The following ZEB1 variants were observed in gnomAD, a reference collection of about 807,000 sequenced individuals.
ZEB1 encodes zinc finger E-box-binding homeobox 1.
In ZEB1, 21 loss-of-function variants were observed where a neutral mutation model predicts 84.9. The observed-to-expected ratio is 0.25, with a 90% CI of 0.18 to 0.36. The LOEUF is 0.36. Among genes scored for constraint, ZEB1 ranks in the 10% least tolerant of loss-of-function variants. ZEB1 has a pLI of 1.00. For synonymous variants in ZEB1, 420 were observed against 471.1 expected (o/e 0.89, Z 1.41); for missense variants, 1,104 against 1,330.2 (o/e 0.83, Z 2.65).
chr10:31,362,559 A>T (rs1208204573), intron 1 of ZEB1, among the ~76,000 whole-genome samples: 1 of 149,952 alleles, frequency 6.7e-6, no homozygotes, highest in Non-Finnish European at 1.5e-5. Context: ...CACTTCCCAG[A>T]CTGTGAGGCT....
At chr10:31,453,983 T>C (rs2060898537) in intron 1 of ZEB1, among the ~76,000 whole-genome samples, 1 of 152,188 alleles carries the variant, frequency 6.6e-6, no homozygotes, top group Non-Finnish European at 1.5e-5. Context: ...CCAGTATCCC[T>C]GATGAACATC....
chr10:31,327,360 C>G (rs1026237346), intron 1 of ZEB1, among the ~76,000 whole-genome samples: 1 of 152,150 alleles, frequency 6.6e-6, no homozygotes, highest in Admixed American at 6.5e-5. Context: ...ATCCACCTGC[C>G]TCAGCCTCCC....
intron 1 of ZEB1, among the ~76,000 whole-genome samples, chr10:31,447,633 T>G (rs909081979): frequency 3.9e-4 from 57 of 144,518 alleles, no homozygotes; most frequent in Non-Finnish European, 6.6e-4. Context: ...CTCTCAGCAT[T>G]TGCTTGTGTG....
At chr10:31,384,130 C>T (rs1380325984) in intron 1 of ZEB1, among the ~76,000 whole-genome samples, 5 of 151,906 alleles carry the variant, frequency 3.3e-5, no homozygotes, top group African/African-American at 1.2e-4. Context: ...CATGTTCCAC[C>T]ACTCCTGACT....
At chr10:31,445,685 T>G (rs2059669698) in intron 1 of ZEB1, among the ~76,000 whole-genome samples, 1 of 145,902 alleles carries the variant, frequency 6.9e-6, no homozygotes, top group Non-Finnish European at 1.5e-5. Flanking sequence ...ATGTGGTTTT[T>G]GTCTTTGGCT....
At chr10:31,372,449 G>C (rs2045894605) in intron 1 of ZEB1, among the ~76,000 whole-genome samples, 1 of 151,958 alleles carries the variant, frequency 6.6e-6, no homozygotes, top group Non-Finnish European at 1.5e-5. Flanking sequence ...GTAGCCGTAA[G>C]AATCAAGAGA....
chr10:31,454,687 A>G (rs2060989697), intron 1 of ZEB1, among the ~76,000 whole-genome samples: 1 of 152,224 alleles, frequency 6.6e-6, no homozygotes, highest in Admixed American at 6.5e-5. Flanking sequence ...TAAAGTACCT[A>G]GGAATACAGC....
chr10:31,488,418 C>T (rs1300179179), intron 2 of ZEB1, among the ~76,000 whole-genome samples: 1 of 151,086 alleles, frequency 6.6e-6, no homozygotes, highest in Non-Finnish European at 1.5e-5. Context: ...TCTTTTCATT[C>T]CTGATAGTAG....
At chr10:31,485,932 A>G (rs2065696812) in intron 2 of ZEB1, among the ~76,000 whole-genome samples, 1 of 151,854 alleles carries the variant, frequency 6.6e-6, no homozygotes, top group African/African-American at 2.4e-5. Flanking sequence ...ATCTTTTGCT[A>G]TCATTTTCTC....
intron 6 of ZEB1, among the ~76,000 whole-genome samples, chr10:31,515,119 C>T (rs1592037058): frequency 6.6e-6 from 1 of 151,790 alleles, no homozygotes; most frequent in East Asian, 1.9e-4. Context: ...AAATGGAACT[C>T]AAGATTAGAA....
chr10:31,414,003 C>T (rs1294992657), intron 1 of ZEB1, among the ~76,000 whole-genome samples: 1 of 152,198 alleles, frequency 6.6e-6, no homozygotes, highest in Non-Finnish European at 1.5e-5. Flanking sequence ...AAATTGCCTT[C>T]TCCTCTTGAT....
chr10:31,400,378 A>G (rs1290236579), intron 1 of ZEB1, among the ~76,000 whole-genome samples: 2 of 152,338 alleles, frequency 1.3e-5, no homozygotes, highest in East Asian at 1.9e-4. Context: ...CAAATATTCC[A>G]GTAAATGACA....
chr10:31,354,313 A>C, intron 1 of ZEB1, among the ~76,000 whole-genome samples: 1 of 152,172 alleles, frequency 6.6e-6, no homozygotes, highest in Middle Eastern at 3.2e-3. Context: ...GCACCTTTAA[A>C]ATTACCTGTT....
chr10:31,324,378 TTTTC>T (rs1221618230), intron 1 of ZEB1, among the ~76,000 whole-genome samples: 1 of 152,060 alleles, frequency 6.6e-6, no homozygotes, highest in African/African-American at 2.4e-5. Context: ...ATAGTTGTGT[TTTTC>T]TTTTGCTTTA....
chr10:31,424,777 GATATA>G (rs1258036375), intron 1 of ZEB1, among the ~76,000 whole-genome samples: 4 of 151,912 alleles, frequency 2.6e-5, no homozygotes, highest in Admixed American at 2.0e-4. Context: ...GTGGTTTGTT[GATATA>G]ATATATTGCA....
At chr10:31,406,772 T>G (rs2053149441) in intron 1 of ZEB1, among the ~76,000 whole-genome samples, 1 of 152,222 alleles carries the variant, frequency 6.6e-6, no homozygotes, top group Admixed American at 6.5e-5. Context: ...TGCTCATGTC[T>G]GTGTCCTGAA....
At chr10:31,387,661 C>T in intron 1 of ZEB1, 4 of 743,572 alleles carry the variant, frequency 5.4e-6, no homozygotes, top group Non-Finnish European at 6.6e-6. Flanking sequence ...TTGATAGAGC[C>T]AGCTGTGAAG....
At chr10:31,438,253 T>A (rs1052487015) in intron 1 of ZEB1, among the ~76,000 whole-genome samples, 1 of 152,226 alleles carries the variant, frequency 6.6e-6, no homozygotes, top group Non-Finnish European at 1.5e-5. Context: ...TTTCATTTTA[T>A]ATAATGTTAT....
At chr10:31,364,393 C>T (rs914797958) in intron 1 of ZEB1, among the ~76,000 whole-genome samples, 1 of 152,184 alleles carries the variant, frequency 6.6e-6, no homozygotes, top group African/African-American at 2.4e-5. Context: ...CACCTGGCGC[C>T]TGGCCCAGGT....
Sources: gnomAD v4.1 joint callset for allele counts (sites outside exome capture counted in the v4.1 genomes callset) on GRCh38, gnomAD v4.1.1 for gene constraint, MANE v1.5 for transcripts, NCBI Gene and HGNC (gene_info 2026-07-23, HGNC 2026-07-21) for gene names.